Variants in PPP3CC observed in about 807,000 individuals in gnomAD.
PPP3CC encodes serine/threonine-protein phosphatase 2B catalytic subunit gamma isoform.
In PPP3CC, 35 loss-of-function variants were observed where a neutral mutation model predicts 60.3. The observed-to-expected ratio is 0.58, with a 90% confidence interval of 0.44 to 0.77. PPP3CC has a LOEUF of 0.77. PPP3CC is among the 30% of genes least tolerant of loss of function. The probability of loss-of-function intolerance (pLI) is 0.00; values close to 1 mark genes in which losing one functional copy is unlikely to be tolerated. For synonymous variants in PPP3CC, 206 were observed against 224.3 expected, an observed-to-expected ratio of 0.92 and a Z score of 0.73; for missense variants, 570 against 628.9, an observed-to-expected ratio of 0.91 and a Z score of 1.00.
chr8:22,473,989 C>T (rs201784642), intron 1 of PPP3CC, among the ~76,000 whole-genome samples: 2 of 151,930 alleles, frequency 1.3e-5, no homozygotes, highest in African/African-American at 2.4e-5. Context: ...CTGCCTCCCA[C>T]GTTCAAGCGA....
At chr8:22,493,418 CTT>C (rs1484373594) in intron 3 of PPP3CC, among the ~76,000 whole-genome samples, 1 of 151,276 alleles carries the variant, frequency 6.6e-6, no homozygotes, top group Non-Finnish European at 1.5e-5. Context: ...CTTTTTGACT[CTT>C]TTGTAATACC....
chr8:22,512,415 T>G (rs979983395), intron 5 of PPP3CC, among the ~76,000 whole-genome samples: 9 of 152,254 alleles, frequency 5.9e-5, no homozygotes, highest in Admixed American at 2.6e-4. Flanking sequence ...TGTTTTCTCT[T>G]GGTTTTTATG....
intron 8 of PPP3CC, chr8:22,523,610 T>C: frequency 2.2e-6 from 1 of 446,304 alleles, no homozygotes; most frequent in Non-Finnish European, 4.5e-6. Context: ...TTCAAAAACA[T>C]TTTTGGAACT....
chr8:22,474,891 T>C (rs1187054417), intron 1 of PPP3CC, 63 bp from the exon 2 acceptor site: 2 of 1,095,508 alleles, frequency 1.8e-6, no homozygotes, highest in Admixed American at 3.2e-5. Context: ...TGTAAAAGAA[T>C]TGTGTTCTGT....
At chr8:22,455,610 T>C (rs964308009) in intron 1 of PPP3CC, among the ~76,000 whole-genome samples, 31 of 152,368 alleles carry the variant, frequency 2.0e-4, no homozygotes, top group African/African-American at 6.7e-4. Context: ...TTTTAACTAC[T>C]TTGCACTGCT....
chr8:22,466,414 T>C (rs1024546143), intron 1 of PPP3CC, among the ~76,000 whole-genome samples: 2 of 152,244 alleles, frequency 1.3e-5, no homozygotes, highest in Non-Finnish European at 2.9e-5. Context: ...ATCACCACAC[T>C]GTCTTCCACA....
At chr8:22,508,882 A>G (rs759124884) in intron 4 of PPP3CC, among the ~76,000 whole-genome samples, 15 of 152,226 alleles carry the variant, frequency 9.9e-5, no homozygotes, top group Non-Finnish European at 1.9e-4. Context: ...AAAGCAGAGT[A>G]TAAGGATGTA....
intron 3 of PPP3CC, among the ~76,000 whole-genome samples, chr8:22,484,364 C>T (rs1838162089): frequency 6.6e-6 from 1 of 152,080 alleles, no homozygotes; most frequent in African/African-American, 2.4e-5. Context: ...ATAAGCATAT[C>T]TACACAGATA....
chr8:22,484,276 T>A (rs1586821004), intron 3 of PPP3CC, among the ~76,000 whole-genome samples: 1 of 152,246 alleles, frequency 6.6e-6, no homozygotes, highest in East Asian at 1.9e-4. Flanking sequence ...TCAGAATAAA[T>A]TTTTTTAGGG....
At chr8:22,505,310 C>A (rs1449439918) in intron 4 of PPP3CC, among the ~76,000 whole-genome samples, 2 of 152,186 alleles carry the variant, frequency 1.3e-5, no homozygotes, top group African/African-American at 4.8e-5. Context: ...CAGGCGTGAG[C>A]CACCATGCCC....
intron 1 of PPP3CC, among the ~76,000 whole-genome samples, chr8:22,458,751 A>G (rs983455596): frequency 2.6e-5 from 4 of 152,120 alleles, no homozygotes; most frequent in Admixed American, 1.3e-4. Context: ...TTGGTAATGT[A>G]CACTCTTTCA....
At chr8:22,464,315 C>T (rs1459116139) in intron 1 of PPP3CC, among the ~76,000 whole-genome samples, 1 of 152,006 alleles carries the variant, frequency 6.6e-6, no homozygotes. Flanking sequence ...TTTGTTTTAC[C>T]TAGTGGCCAT....
chr8:22,521,460 G>C (rs1198906947), intron 6 of PPP3CC, among the ~76,000 whole-genome samples: 2 of 152,154 alleles, frequency 1.3e-5, no homozygotes, highest in Non-Finnish European at 2.9e-5. Context: ...TGAAAGGTCA[G>C]TGGGCCTGCC....
chr8:22,528,454 G>A, intron 9 of PPP3CC, 52 bp from the exon 10 acceptor site: 3 of 1,247,658 alleles, frequency 2.4e-6, no homozygotes, highest in Admixed American at 2.4e-5. Flanking sequence ...CATTATTTTA[G>A]AGAAAGTACC....
chr8:22,484,901 G>A (rs1226954902), intron 3 of PPP3CC, among the ~76,000 whole-genome samples: 2 of 152,214 alleles, frequency 1.3e-5, no homozygotes, highest in African/African-American at 4.8e-5. Context: ...AGCGGGAGGG[G>A]AAAGCTCTAG....
intron 1 of PPP3CC, among the ~76,000 whole-genome samples, chr8:22,449,568 GAAA>G (rs771374077): frequency 4.2e-4 from 63 of 151,032 alleles, no homozygotes; most frequent in Non-Finnish European, 8.0e-4. Context: ...CTGAAAAGAA[GAAA>G]ATGAGCCTTA....
intron 9 of PPP3CC, 111 bp from the exon 10 acceptor site, chr8:22,528,395 A>C: frequency 1.8e-6 from 1 of 545,176 alleles, no homozygotes. Flanking sequence ...ATAATGATAA[A>C]TAATTTTTGC....
chr8:22,535,497 TC>T (rs1235186678), intron 12 of PPP3CC, among the ~76,000 whole-genome samples: 3 of 152,206 alleles, frequency 2.0e-5, no homozygotes, highest in African/African-American at 7.2e-5. Flanking sequence ...TGGCCTTTTT[TC>T]TTTTTCTTTT....
In PPP3CC at chr8:22,441,314, C is replaced by T; in HGVS notation, c.-96C>T. On this transcript the variant is annotated 5_prime_UTR_variant, in exon 1 of 14. Transcript: ENST00000240139. ...GGGGCCGGGCACGGCTGGCTGACGGCTCCGGGCAGCTAAGGCTGCCCGAGG... is the reference window on the plus strand; with the variant it reads ...GGGGCCGGGCACGGCTGGCTGACGGTTCCGGGCAGCTAAGGCTGCCCGAGG... The T allele has an allele frequency of 7.9e-7, 1 of 1,272,822 alleles. No individual in the cohort carries two copies. The highest frequency in any genetic ancestry group is 1.0e-6 in the Non-Finnish European group (1 of 957,766). The allele number at this position is 1,272,822 out of a possible 1,614,324, so 78.8% of individuals were successfully genotyped here.
Sources: gnomAD v4.1 joint callset for allele counts (sites outside exome capture counted in the v4.1 genomes callset) on GRCh38, gnomAD v4.1.1 for gene constraint, MANE v1.5 for transcripts, NCBI Gene and HGNC (gene_info 2026-07-23, HGNC 2026-07-21) for gene names.